Variants in AHI1 observed in about 807,000 individuals in gnomAD.
AHI1 encodes the protein Abelson helper integration site 1.
AHI1 carries 123 observed loss-of-function variants against 149.3 expected under a neutral mutation model. The observed-to-expected ratio is 0.82, with a 90% confidence interval of 0.71 to 0.96. The LOEUF (loss-of-function observed/expected upper bound fraction) is 0.96, where lower values mean the gene tolerates loss of function less well. Ranked by LOEUF, AHI1 falls within the 40% of genes least tolerant of loss-of-function variation. AHI1 has a pLI of 0.00. For synonymous variants in AHI1, 475 were observed against 459.8 expected (o/e 1.03, Z -0.42); for missense variants, 1,439 against 1,422.7 (o/e 1.01, Z -0.18).
intron 24 of AHI1, among the ~76,000 whole-genome samples, chr6:135,326,534 T>G (rs1439731874): frequency 1.3e-5 from 2 of 152,164 alleles, no homozygotes; most frequent in Non-Finnish European, 2.9e-5. Context: ...GTACCTGTCA[T>G]GTAAATAGTA....
intron 23 of AHI1, among the ~76,000 whole-genome samples, chr6:135,369,322 C>G (rs1425862517): frequency 6.6e-6 from 1 of 152,186 alleles, no homozygotes; most frequent in Non-Finnish European, 1.5e-5. Flanking sequence ...TGTGGATTCT[C>G]TTGGCTTTTC....
At chr6:135,423,353 A>G (rs551153957) in intron 20 of AHI1, among the ~76,000 whole-genome samples, 1 of 152,298 alleles carries the variant, frequency 6.6e-6, no homozygotes, top group East Asian at 1.9e-4. Context: ...GCATATTAGT[A>G]ACATGCCAGG....
chr6:135,439,308 C>T (rs750883142), intron 14 of AHI1, among the ~76,000 whole-genome samples: 1 of 152,160 alleles, frequency 6.6e-6, no homozygotes, highest in African/African-American at 2.4e-5. Flanking sequence ...AAATCTCATG[C>T]CATTTAGCTC....
At chr6:135,342,112 A>G (rs1368231063) in intron 24 of AHI1, among the ~76,000 whole-genome samples, 2 of 151,918 alleles carry the variant, frequency 1.3e-5, no homozygotes, top group Admixed American at 6.6e-5. Context: ...ATGAAAGAAG[A>G]AGTATCATTA....
intron 16 of AHI1, 45 bp from the exon 17 acceptor site, chr6:135,431,359 G>A (rs780045419): frequency 8.3e-7 from 1 of 1,211,558 alleles, no homozygotes; most frequent in Non-Finnish European, 1.2e-6. Context: ...GTCACACAGA[G>A]TTAGAAACAA....
chr6:135,293,392 C>CAAAAA (rs1175955601), intron 27 of AHI1, among the ~76,000 whole-genome samples: 9 of 20,116 alleles, frequency 4.5e-4, no homozygotes, highest in African/African-American at 1.9e-3. Flanking sequence ...GTTAACAGGG[C>CAAAAA]AAAAAAAAAA....
intron 15 of AHI1, 144 bp from the exon 16 acceptor site, chr6:135,433,400 A>T: frequency 1.7e-6 from 1 of 602,206 alleles, no homozygotes; most frequent in South Asian, 2.1e-5. Flanking sequence ...AACAATGAAA[A>T]ATATAATGAT....
intron 25 of AHI1, among the ~76,000 whole-genome samples, chr6:135,320,800 C>T (rs1194042221): frequency 6.6e-6 from 1 of 152,144 alleles, no homozygotes; most frequent in South Asian, 2.1e-4. Flanking sequence ...ATGAGGCATA[C>T]TCCAGAGTGA....
chr6:135,457,292 G>C (rs779209690), intron 9 of AHI1, among the ~76,000 whole-genome samples: 1 of 152,170 alleles, frequency 6.6e-6, no homozygotes, highest in Non-Finnish European at 1.5e-5. Flanking sequence ...CGGAAAAAAA[G>C]TAATTACTGA....
chr6:135,358,655 T>C (rs1041493331), intron 23 of AHI1, among the ~76,000 whole-genome samples: 2 of 152,234 alleles, frequency 1.3e-5, no homozygotes, highest in Non-Finnish European at 2.9e-5. Context: ...TACTATGACA[T>C]ACTCTATTTA....
chr6:135,355,722 A>G (rs1260946569), intron 24 of AHI1, among the ~76,000 whole-genome samples: 1 of 152,148 alleles, frequency 6.6e-6, no homozygotes, highest in East Asian at 1.9e-4. Context: ...TACACGGTGA[A>G]ACCCCATCTC....
rs371134422 is a variant in AHI1 at position 135,310,879 on chromosome 6, GTT to G, written c.3426+7638_3426+7639del. 3.2e-3 allele frequency among the ~76,000 whole-genome samples: 480 copies of G among 151,794 alleles called. 3 individuals carry two copies. The highest frequency in any genetic ancestry group is 0.01 in the African/African-American group (434 of 41,372). On this transcript the variant is annotated intron_variant, in intron 26 of 28. Transcript: ENST00000265602. ...ATAGTACTTTACTACTTTGGGTTTT[GTT>G]TTTTAGAAATAAAGAAAAAAGAAAA...
intron 26 of AHI1, among the ~76,000 whole-genome samples, chr6:135,304,348 C>T (rs145617360): frequency 0.01 from 1,566 of 152,272 alleles, 25 homozygotes; most frequent in Middle Eastern, 0.044. Context: ...CCACTGGGCC[C>T]GGCCTGATTT....
intron 3 of AHI1, chr6:135,492,777 C>A (rs1795428734): frequency 3.0e-6 from 3 of 985,272 alleles, no homozygotes; most frequent in South Asian, 9.4e-5. Flanking sequence ...AAGGATAGTA[C>A]AAATATTTGC....
chr6:135,380,741 C>G (rs1370630475), intron 23 of AHI1, among the ~76,000 whole-genome samples: 2 of 123,548 alleles, frequency 1.6e-5, no homozygotes, highest in Non-Finnish European at 3.3e-5. Flanking sequence ...ACCCCCCCCC[C>G]CCCAAAAAAA....
At chr6:135,423,042 C>T (rs1372277613) in intron 20 of AHI1, among the ~76,000 whole-genome samples, 2 of 152,206 alleles carry the variant, frequency 1.3e-5, no homozygotes, top group South Asian at 4.1e-4. Flanking sequence ...TTTACACCAA[C>T]TGTGTTACTT....
chr6:135,492,506 C>G, intron 3 of AHI1: 1 of 1,161,140 alleles, frequency 8.6e-7, no homozygotes, highest in Non-Finnish European at 1.1e-6. Flanking sequence ...TAGATCATAT[C>G]TGAATAAAGT....
chr6:135,374,149 T>C (rs985151180), intron 23 of AHI1, among the ~76,000 whole-genome samples: 2 of 138,840 alleles, frequency 1.4e-5, no homozygotes, highest in African/African-American at 5.4e-5. Flanking sequence ...AGTCTTGCTC[T>C]GTTGCCTAGG....
chr6:135,304,013 G>A (rs1784232870), intron 26 of AHI1, among the ~76,000 whole-genome samples: 1 of 152,174 alleles, frequency 6.6e-6, no homozygotes, highest in South Asian at 2.1e-4. Context: ...ACTTTAGAAT[G>A]TATGTATGTA....
Sources: gnomAD v4.1 joint callset for allele counts (sites outside exome capture counted in the v4.1 genomes callset) on GRCh38, gnomAD v4.1.1 for gene constraint, MANE v1.5 for transcripts, NCBI Gene and HGNC (gene_info 2026-07-23, HGNC 2026-07-21) for gene names.